Variants in PTPRD observed in about 807,000 individuals in gnomAD.
PTPRD encodes receptor-type tyrosine-protein phosphatase delta.
Under a neutral mutation model 214.5 loss-of-function variants are expected in PTPRD, and 34 were observed. The ratio of observed to expected loss-of-function variants is 0.16; its 90% CI spans 0.12 to 0.21. The LOEUF (loss-of-function observed/expected upper bound fraction) is 0.21. Ranked by LOEUF, PTPRD falls within the 10% of genes least tolerant of loss-of-function variation. PTPRD has a pLI of 1.00. For missense variants in PTPRD, 2,545 were observed against 2,398.7 expected (o/e 1.06, Z -1.27); for synonymous variants, 1,128 against 845.7 (o/e 1.33, Z -5.79).
At chr9:8,968,776 T>G (rs2099216787) in intron 11 of PTPRD, among the ~76,000 whole-genome samples, 1 of 146,790 alleles carries the variant, frequency 6.8e-6, no homozygotes, top group Non-Finnish European at 1.5e-5. Context: ...AATTAAACAG[T>G]AAGTTTGTGT....
intron 12 of PTPRD, among the ~76,000 whole-genome samples, chr9:8,653,038 A>C (rs1377779802): frequency 6.6e-6 from 1 of 152,128 alleles, no homozygotes; most frequent in African/African-American, 2.4e-5. Context: ...AGGTGCTTTA[A>C]AGCTCTCTGT....
intron 4 of PTPRD, among the ~76,000 whole-genome samples, chr9:9,953,790 T>C (rs1459625650): frequency 6.6e-6 from 1 of 152,150 alleles, no homozygotes; most frequent in African/African-American, 2.4e-5. Flanking sequence ...GTCATGCTCA[T>C]GCTACATAGC....
chr9:10,396,313 T>A (rs559412142), intron 2 of PTPRD, among the ~76,000 whole-genome samples: 1 of 151,978 alleles, frequency 6.6e-6, no homozygotes, highest in South Asian at 2.1e-4. Flanking sequence ...GGTGGAGGAA[T>A]GAGCTATGCT....
At chr9:8,747,310 C>T (rs544716089) in intron 11 of PTPRD, among the ~76,000 whole-genome samples, 2 of 152,208 alleles carry the variant, frequency 1.3e-5, no homozygotes, top group South Asian at 4.1e-4. Flanking sequence ...AATATATATA[C>T]AGGCTCTAAG....
chr9:8,773,477 G>A (rs895890776), intron 11 of PTPRD, among the ~76,000 whole-genome samples: 1 of 152,108 alleles, frequency 6.6e-6, no homozygotes, highest in East Asian at 1.9e-4. Context: ...CTGTACTTCA[G>A]GACCTGAAGT....
intron 30 of PTPRD, among the ~76,000 whole-genome samples, chr9:8,472,538 C>A (rs545738219): frequency 6.6e-6 from 1 of 152,306 alleles, no homozygotes; most frequent in Admixed American, 6.5e-5. Flanking sequence ...CCACTAGCCC[C>A]TGGGGGCCAT....
intron 12 of PTPRD, among the ~76,000 whole-genome samples, chr9:8,667,374 A>AT (rs2097191927): frequency 1.3e-5 from 2 of 151,856 alleles, no homozygotes; most frequent in African/African-American, 4.8e-5. Context: ...AGAAAATTCA[A>AT]TTTTTTTTCC....
chr9:8,991,085 G>C (rs192382549), intron 11 of PTPRD, among the ~76,000 whole-genome samples: 1 of 151,796 alleles, frequency 6.6e-6, no homozygotes, highest in Admixed American at 6.6e-5. Flanking sequence ...CAGGCATGTT[G>C]GTGCATGCCT....
chr9:9,851,427 A>G (rs911172760), intron 5 of PTPRD, among the ~76,000 whole-genome samples: 1 of 152,234 alleles, frequency 6.6e-6, no homozygotes, highest in South Asian at 2.1e-4. Flanking sequence ...TGTACATTAT[A>G]AAGATTTAAA....
intron 8 of PTPRD, among the ~76,000 whole-genome samples, chr9:9,536,240 T>G (rs1340977508): frequency 6.6e-6 from 1 of 152,012 alleles, no homozygotes; most frequent in Non-Finnish European, 1.5e-5. Context: ...GGAATCTTAT[T>G]TGTGTTTCCA....
At chr9:9,628,764 ATACTC>A (rs1398470614) in intron 7 of PTPRD, among the ~76,000 whole-genome samples, 1 of 152,042 alleles carries the variant, frequency 6.6e-6, no homozygotes, top group African/African-American at 2.4e-5. Context: ...TGTAATCTCA[ATACTC>A]TATGAAATTT....
At chr9:9,767,216 G>C (rs1187102454) in intron 5 of PTPRD, among the ~76,000 whole-genome samples, 1 of 151,862 alleles carries the variant, frequency 6.6e-6, no homozygotes, top group Admixed American at 6.6e-5. Context: ...TGAATTATTA[G>C]ATTTAAATCA....
At chr9:10,476,190 A>G (rs2099061332) in intron 2 of PTPRD, among the ~76,000 whole-genome samples, 1 of 152,180 alleles carries the variant, frequency 6.6e-6, no homozygotes, top group South Asian at 2.1e-4. Flanking sequence ...GAGGAAGTCA[A>G]ATTGTCTCTG....
chr9:9,914,363 G>C (rs992217921), intron 5 of PTPRD, among the ~76,000 whole-genome samples: 2 of 152,208 alleles, frequency 1.3e-5, no homozygotes, highest in African/African-American at 4.8e-5. Context: ...CAGGAAAACA[G>C]CAAAGAGTAT....
At chr9:10,059,667 C>T (rs1181045368) in intron 3 of PTPRD, among the ~76,000 whole-genome samples, 1 of 151,458 alleles carries the variant, frequency 6.6e-6, no homozygotes, top group African/African-American at 2.4e-5. Context: ...GCTATAGATA[C>T]AAAATTAGAT....
At chr9:8,400,877 T>A (rs10977047) in intron 36 of PTPRD, among the ~76,000 whole-genome samples, 1 of 152,048 alleles carries the variant, frequency 6.6e-6, no homozygotes, top group Non-Finnish European at 1.5e-5. Context: ...GGAAACTACA[T>A]AGAGATAACT....
At chr9:10,053,453 C>A (rs77035791) in intron 3 of PTPRD, among the ~76,000 whole-genome samples, 4 of 151,882 alleles carry the variant, frequency 2.6e-5, no homozygotes, top group Non-Finnish European at 5.9e-5. Context: ...TCATGAGGAA[C>A]GTGAAATGTG....
At chr9:9,769,961 G>C (rs1281614914) in intron 5 of PTPRD, among the ~76,000 whole-genome samples, 1 of 152,164 alleles carries the variant, frequency 6.6e-6, no homozygotes, top group Non-Finnish European at 1.5e-5. Flanking sequence ...TGGCTGCATA[G>C]TATTCCATGG....
At chr9:9,988,502 T>C (rs753661026) in intron 4 of PTPRD, among the ~76,000 whole-genome samples, 1 of 152,196 alleles carries the variant, frequency 6.6e-6, no homozygotes, top group Non-Finnish European at 1.5e-5. Context: ...TCTGTATTTT[T>C]AGGTTTACAT....
Sources: allele counts gnomAD v4.1 joint callset (sites outside exome capture counted in the v4.1 genomes callset), GRCh38; gene constraint gnomAD v4.1.1; transcripts MANE v1.5; gene names NCBI Gene and HGNC (gene_info 2026-07-23, HGNC 2026-07-21).